The following SLC4A4 variants were observed in gnomAD, a reference collection of about 807,000 sequenced individuals.
SLC4A4 encodes solute carrier family 4 member 4, also known as electrogenic sodium bicarbonate cotransporter 1.
Under a neutral mutation model 111.5 loss-of-function variants are expected in SLC4A4, and 27 were observed. The ratio of observed to expected loss-of-function variants is 0.24; its 90% confidence interval spans 0.18 to 0.33. The LOEUF is 0.33. SLC4A4 is among the 10% of genes least tolerant of loss of function. The pLI, the probability that SLC4A4 is intolerant of heterozygous loss-of-function variation, is 1.00. For synonymous variants in SLC4A4, 443 were observed against 463.4 expected, an observed-to-expected ratio of 0.96 and a Z score of 0.57; for missense variants, 909 against 1,315.5, an observed-to-expected ratio of 0.69 and a Z score of 4.78.
chr4:71,423,002 A>G (rs1722711008), intron 7 of SLC4A4, among the ~76,000 whole-genome samples: 1 of 152,198 alleles, frequency 6.6e-6, no homozygotes. Context: ...ATTAGGCAGG[A>G]GAAGGAAATA....
Position 71,559,911 on chromosome 4 carries a change from C to T in SLC4A4, c.2938-182C>T, listed in dbSNP as rs1232490063. 2.6e-5 allele frequency among the ~76,000 whole-genome samples: 4 copies of T among 151,808 alleles called. 1 individual carries two copies. The highest frequency in any genetic ancestry group is 2.6e-4 in the Admixed American group (4 of 15,204). On this transcript the variant is annotated intron_variant, in intron 22 of 25. Coordinates refer to ENST00000264485, the MANE Select transcript of SLC4A4 (RefSeq NM_001098484.3). ...CTAAGACTTTTATAAAACAACTTTC[C>T]CCATGTAGAAAATTATGAGAGTTCA...
At chr4:71,376,192 C>CACACACAT (rs544323906) in intron 6 of SLC4A4, among the ~76,000 whole-genome samples, 7 of 146,474 alleles carry the variant, frequency 4.8e-5, no homozygotes, top group Non-Finnish European at 1.1e-4. Context: ...CACACACACA[C>CACACACAT]ATATATATGT....
At chr4:71,420,003 A>G (rs1722262561) in intron 7 of SLC4A4, among the ~76,000 whole-genome samples, 1 of 152,252 alleles carries the variant, frequency 6.6e-6, no homozygotes, top group South Asian at 2.1e-4. Flanking sequence ...GACTTTGACG[A>G]GTTGAGAGAA....
At chr4:71,303,176 A>G (rs1255369584) in intron 3 of SLC4A4, among the ~76,000 whole-genome samples, 1 of 152,230 alleles carries the variant, frequency 6.6e-6, no homozygotes. Flanking sequence ...CATTACAGAT[A>G]CAAATCTGAG....
At chr4:71,207,449 A>G (rs986212116) in intron 1 of SLC4A4, among the ~76,000 whole-genome samples, 3 of 152,258 alleles carry the variant, frequency 2.0e-5, no homozygotes, top group African/African-American at 4.8e-5. Context: ...AGCAAAGTAT[A>G]TCTATAGGTG....
At position 71,569,950 on chromosome 4, in the gene SLC4A4, G is replaced by A. The variant is rs1002159618; in HGVS notation, c.*2199G>A. The stretch of plus-strand genomic sequence containing the variant: ...ATTCTGGCTTCACATTTGTATTTAG[G>A]GCTATCCTTAAAATGATGAGTCTAT... On this transcript the variant is annotated 3_prime_UTR_variant, in exon 26 of 26. Transcript: ENST00000264485. 6.6e-6 allele frequency: 1 copy of A among 151,476 alleles called. No individual in the cohort carries two copies. The allele number at this position is 151,476 out of a possible 1,614,324, so 9.4% of individuals were successfully genotyped here.
At chr4:71,433,056 G>A (rs1723787927) in intron 7 of SLC4A4, among the ~76,000 whole-genome samples, 2 of 152,018 alleles carry the variant, frequency 1.3e-5, no homozygotes, top group South Asian at 2.1e-4. Context: ...TCCTTAAGCT[G>A]TACTGCAGAA....
intron 16 of SLC4A4, among the ~76,000 whole-genome samples, chr4:71,504,522 T>C (rs1731215032): frequency 6.6e-6 from 1 of 152,064 alleles, no homozygotes; most frequent in Admixed American, 6.6e-5. Context: ...AGATCATGAA[T>C]TATTTTTCTG....
chr4:71,074,906 T>C (rs1741765335), intron 1 of SLC4A4, among the ~76,000 whole-genome samples: 1 of 152,168 alleles, frequency 6.6e-6, no homozygotes, highest in South Asian at 2.1e-4. Context: ...TGCTTGATCG[T>C]TGTTTGTTCT....
intron 2 of SLC4A4, among the ~76,000 whole-genome samples, chr4:71,148,600 C>A (rs1302398618): frequency 2.0e-5 from 3 of 152,136 alleles, no homozygotes; most frequent in Non-Finnish European, 4.4e-5. Context: ...TCTTTGCATT[C>A]ATGTGTTCTC....
chr4:71,362,979 C>G (rs533165031), intron 6 of SLC4A4, among the ~76,000 whole-genome samples: 76 of 152,224 alleles, frequency 5.0e-4, no homozygotes, highest in African/African-American at 1.8e-3. Flanking sequence ...TTTTTTAATT[C>G]AAATATGAGA....
chr4:71,547,529 C>T, intron 19 of SLC4A4, 119 bp from the exon 20 acceptor site: 1 of 816,668 alleles, frequency 1.2e-6, no homozygotes, highest in Non-Finnish European at 2.2e-6. Context: ...GATATCAACA[C>T]CTTTGTTGTT....
chr4:71,567,107 T>A (rs200869718), intron 25 of SLC4A4, 24 bp downstream of exon 25: 1 of 1,569,018 alleles, frequency 6.4e-7, no homozygotes, highest in South Asian at 1.1e-5. Context: ...CAGTATTTTA[T>A]GTTTTTCTGT....
intron 6 of SLC4A4, among the ~76,000 whole-genome samples, chr4:71,362,729 G>A (rs1416681658): frequency 6.6e-6 from 1 of 151,880 alleles, no homozygotes; most frequent in African/African-American, 2.4e-5. Flanking sequence ...TTGCTAAATG[G>A]GTGTCAGGGG....
chr4:71,428,095 A>G (rs146169200), intron 7 of SLC4A4, among the ~76,000 whole-genome samples: 137 of 152,296 alleles, frequency 9.0e-4, no homozygotes, highest in African/African-American at 3.1e-3. Flanking sequence ...AGAGAAGAGG[A>G]ATAAATAGGC....
chr4:71,297,344 C>T (rs1479697445), intron 3 of SLC4A4, among the ~76,000 whole-genome samples: 1 of 152,178 alleles, frequency 6.6e-6, no homozygotes, highest in Non-Finnish European at 1.5e-5. Context: ...TACCCCTGAG[C>T]ACTGCAGCTG....
At chr4:71,169,993 C>T (rs141926777) in intron 2 of SLC4A4, among the ~76,000 whole-genome samples, 1 of 152,218 alleles carries the variant, frequency 6.6e-6, no homozygotes, top group African/African-American at 2.4e-5. Context: ...TCACCGATCT[C>T]CCTTTGTTCC....
intron 2 of SLC4A4, among the ~76,000 whole-genome samples, chr4:71,159,892 T>C (rs62302402): frequency 2.7e-5 from 4 of 146,126 alleles, no homozygotes; most frequent in African/African-American, 8.0e-5. Flanking sequence ...TATAGTTCTA[T>C]AGTTCTATTC....
chr4:71,175,880 C>T (rs906949314), intron 2 of SLC4A4, among the ~76,000 whole-genome samples: 8 of 152,202 alleles, frequency 5.3e-5, no homozygotes, highest in African/African-American at 1.9e-4. Flanking sequence ...AGACTGCCTC[C>T]TCAAGTGGGT....
Sources: gnomAD v4.1 joint callset for allele counts (sites outside exome capture counted in the v4.1 genomes callset) on GRCh38, gnomAD v4.1.1 for gene constraint, MANE v1.5 for transcripts, NCBI Gene and HGNC (gene_info 2026-07-23, HGNC 2026-07-21) for gene names.